TICRR: variants seen among roughly 807,000 people sequenced by gnomAD.
TICRR encodes the protein TOPBP1 interacting checkpoint and replication regulator.
In TICRR, 132 loss-of-function variants were observed where a neutral mutation model predicts 178.1. That is an observed-to-expected ratio of 0.74 (90% CI 0.64 to 0.86). The LOEUF (loss-of-function observed/expected upper bound fraction) is 0.86. Among genes scored for constraint, TICRR ranks in the 40% least tolerant of loss-of-function variants. The pLI is 0.00. For synonymous variants in TICRR, 991 were observed against 900.7 expected (o/e 1.10, Z -1.79); for missense variants, 2,587 against 2,334.3 (o/e 1.11, Z -2.23).
At chr15:89,613,483 AT>A (rs1172944449) in intron 15 of TICRR, among the ~76,000 whole-genome samples, 1 of 152,106 alleles carries the variant, frequency 6.6e-6, no homozygotes, top group Non-Finnish European at 1.5e-5. Flanking sequence ...TTTAGCCAAT[AT>A]TTATTCAAAT....
intron 1 of TICRR, among the ~76,000 whole-genome samples, chr15:89,578,658 CTTT>C (rs796973609): frequency 1.6e-5 from 2 of 123,864 alleles, no homozygotes; most frequent in Non-Finnish European, 3.8e-5. Flanking sequence ...CTCTCTCTCT[CTTT>C]TTTTTTTTGA....
In TICRR at chr15:89,585,881, A is replaced by G; in HGVS notation, c.1350A>G (p.Ser450=). 1 of 1,614,032 alleles carries G rather than the reference A, an allele frequency of 6.2e-7. No individual in the cohort carries two copies. The highest frequency in any genetic ancestry group is 8.5e-7 in the Non-Finnish European group (1 of 1,180,016). Reference sequence around the variant, plus strand: ...CCCGGGACACAGCTTCCCTTTTCTCAGATGTTGTGGATAGTATATTGAATC... The same window carrying G: ...CCCGGGACACAGCTTCCCTTTTCTCGGATGTTGTGGATAGTATATTGAATC... The part of the protein sequence containing the change: ...DSPRDTASLF[S]DVVDSILNQT... Residue 450 remains serine, a synonymous_variant, in exon 4 of 22, where the codon TCA becomes TCG. Coordinates refer to ENST00000268138, the MANE Select transcript of TICRR (RefSeq NM_152259.4).
chr15:89,584,659 G>C, intron 3 of TICRR, 132 bp downstream of exon 3: 1 of 923,968 alleles, frequency 1.1e-6, no homozygotes, highest in Non-Finnish European at 1.5e-6. Flanking sequence ...TAATATTGTT[G>C]ACATTATAGT....
intron 13 of TICRR, 75 bp downstream of exon 13, chr15:89,602,967 G>A: frequency 1.6e-6 from 1 of 620,046 alleles, no homozygotes. Context: ...TTAGGAAAAT[G>A]AACTTTGGAG....
chr15:89,579,737 G>A (rs1227927462), intron 1 of TICRR: 1 of 152,128 alleles, frequency 6.6e-6, no homozygotes, highest in African/African-American at 2.4e-5. Context: ...ATAAAAAGAG[G>A]AAGAAAGTGT....
rs751333018 is a variant in TICRR at position 89,576,133 on chromosome 15, C to T, written c.547C>T (p.Pro183Ser). 1 of 1,609,274 alleles carries T rather than the reference C, an allele frequency of 6.2e-7. No individual in the cohort carries two copies. Among genetic ancestry groups the T allele is most frequent in the South Asian group, 1.1e-5 (1 of 91,082 alleles). ...GCEAQAQRLP[P>S]TPKQVMEKLL... Reference sequence around the variant, plus strand: ...CGAGGCCCAGGCCCAGCGCCTGCCGCCCACCCCTAAGCAGGTGATGGAGAA... The same window carrying T: ...CGAGGCCCAGGCCCAGCGCCTGCCGTCCACCCCTAAGCAGGTGATGGAGAA... The change falls in exon 1 of 22, where the codon CCC (proline) becomes TCC (serine). Residue 183 changes from proline (P) to serine (S), a missense_variant. Coordinates refer to ENST00000268138, the MANE Select transcript of TICRR (RefSeq NM_152259.4).
chr15:89,622,304 C>CCCA (rs1261606915), intron 19 of TICRR, among the ~76,000 whole-genome samples: 2 of 151,842 alleles, frequency 1.3e-5, no homozygotes. Context: ...GACTCTTGTA[C>CCCA]CCACCCCCTC....
At chr15:89,595,859 T>C (rs1286227446) in intron 7 of TICRR, among the ~76,000 whole-genome samples, 1 of 151,560 alleles carries the variant, frequency 6.6e-6, no homozygotes, top group African/African-American at 2.4e-5. Context: ...CGAGACTCTG[T>C]CTCAAAAGAA....
At chr15:89,611,721 C>CAA (rs1963259301) in intron 15 of TICRR, among the ~76,000 whole-genome samples, 1 of 151,850 alleles carries the variant, frequency 6.6e-6, no homozygotes, top group Non-Finnish European at 1.5e-5. Context: ...ACCTTATCTT[C>CAA]ACGTTCACTG....
chr15:89,575,710 A>T lies in TICRR; in HGVS notation c.124A>T (p.Arg42Trp). Residue 42 changes from arginine (R) to tryptophan (W), a missense_variant, in exon 1 of 22, where the codon AGG (arginine) becomes TGG (tryptophan). Coordinates refer to ENST00000268138, the MANE Select transcript of TICRR (RefSeq NM_152259.4). ...TCTGAGTTGCCGATTCGGCCTGGCC[A>T]GGGTCCACTGGGCCTTCAAGTTCTT... ...TYLSCRFGLA[R>W]VHWAFKFFDS... The T allele has an allele frequency of 6.2e-7, 1 of 1,608,680 alleles. No individual in the cohort carries two copies.
intron 14 of TICRR, among the ~76,000 whole-genome samples, chr15:89,607,668 AATGTGAACCTTT>A (rs1404707585): frequency 2.6e-5 from 4 of 152,088 alleles, no homozygotes; most frequent in Admixed American, 6.5e-5. Flanking sequence ...TAATAACCTT[AATGTGAACCTTT>A]ATGTCATTGA....
chr15:89,620,932 C>T (rs745454378), intron 18 of TICRR, among the ~76,000 whole-genome samples: 1 of 151,516 alleles, frequency 6.6e-6, no homozygotes. Flanking sequence ...CTGTGTTAGC[C>T]AGGATAGTCT....
chr15:89,597,856 G>T (rs1963024280), intron 7 of TICRR, among the ~76,000 whole-genome samples: 1 of 152,118 alleles, frequency 6.6e-6, no homozygotes, highest in Non-Finnish European at 1.5e-5. Flanking sequence ...AGTCTTTCTT[G>T]CTGTGAACAT....
In TICRR at chr15:89,625,045, G is replaced by T. The variant is rs1963493976; in HGVS notation, c.4735G>T (p.Asp1579Tyr). 1 of 1,614,042 alleles carries T rather than the reference G, an allele frequency of 6.2e-7. No homozygotes were observed. Among genetic ancestry groups the T allele is most frequent in the Non-Finnish European group, 8.5e-7 (1 of 1,180,024 alleles). The change falls in exon 20 of 22, where the codon GAC (aspartate) becomes TAC (tyrosine). Residue 1579 changes from aspartate to tyrosine, a missense_variant. By Grantham distance (160) the Asp-to-Tyr change is radical. Coordinates refer to ENST00000268138, the MANE Select transcript of TICRR (RefSeq NM_152259.4). ...TCCCAAACTTCGAATTAAGAAGATA[G>T]ACCCCAGCTCTTCATTAGAGGCTGA... ...GLPKLRIKKIDPSSSLEAEPL... is the reference protein window; with the variant it reads ...GLPKLRIKKIYPSSSLEAEPL...
intron 1 of TICRR, among the ~76,000 whole-genome samples, chr15:89,577,261 TACATTCTTGC>T (rs1962640194): frequency 1.4e-5 from 1 of 69,026 alleles, no homozygotes. Flanking sequence ...CATTCTTGCG[TACATTCTTGC>T]AAACTTAAAG....
intron 18 of TICRR, among the ~76,000 whole-genome samples, chr15:89,621,060 C>A (rs1453242741): frequency 6.7e-6 from 1 of 149,760 alleles, no homozygotes. Flanking sequence ...GCTCTTGTTG[C>A]CCAGGCTGGA....
chr15:89,617,209 C>T (rs1567050214), intron 16 of TICRR, among the ~76,000 whole-genome samples: 1 of 152,132 alleles, frequency 6.6e-6, no homozygotes, highest in African/African-American at 2.4e-5. Context: ...AAGCACACCT[C>T]CTTCTATTTT....
At chr15:89,616,520 T>A in intron 16 of TICRR, 25 bp downstream of exon 16, 2 of 1,599,692 alleles carry the variant, frequency 1.3e-6, no homozygotes, top group African/African-American at 2.7e-5. Flanking sequence ...CATCCGGGCT[T>A]CTTCATACAC....
intron 4 of TICRR, among the ~76,000 whole-genome samples, chr15:89,586,534 T>C (rs1328973953): frequency 1.3e-5 from 2 of 151,974 alleles, no homozygotes; most frequent in Non-Finnish European, 2.9e-5. Flanking sequence ...GACAAAACAA[T>C]AAGTCAGGAA....
Sources: gnomAD v4.1 joint callset for allele counts (sites outside exome capture counted in the v4.1 genomes callset) on GRCh38, gnomAD v4.1.1 for gene constraint, MANE v1.5 for transcripts, NCBI Gene and HGNC (gene_info 2026-07-23, HGNC 2026-07-21) for gene names.